The following HEPACAM2 variants were observed in gnomAD, a reference collection of about 807,000 sequenced individuals.
HEPACAM2 encodes the protein HEPACAM family member 2, also known as mitotic kinetics regulator.
Under a neutral mutation model 49.6 loss-of-function variants are expected in HEPACAM2, and 49 were observed. The observed-to-expected ratio is 0.99, with a 90% CI of 0.78 to 1.25. HEPACAM2 has a LOEUF of 1.25. HEPACAM2 is among the 50% of genes most tolerant of loss of function. The pLI is 0.00. For missense variants in HEPACAM2, 525 were observed against 557.2 expected (o/e 0.94, Z 0.58); for synonymous variants, 197 against 202.9 (o/e 0.97, Z 0.25).
At chr7:93,216,798 T>A (rs2116708015) in intron 2 of HEPACAM2, among the ~76,000 whole-genome samples, 1 of 152,318 alleles carries the variant, frequency 6.6e-6, no homozygotes. Context: ...AAGTGAGAGA[T>A]GATTGTGTCC....
rs1212245885 is a variant in HEPACAM2 at position 93,208,729 on chromosome 7, T to C, written c.863A>G (p.Asn288Ser). ...NTYSWIRRTD[N>S]TTYIIKHGPR... ...CCCATGCTTAATGATATATGTAGTA[T>C]TGTCAGTCCTCCTAATCCAGGAGTA... Residue 288 changes from asparagine to serine, a missense_variant, in exon 4 of 10, where the codon AAT becomes AGT. Asn to Ser is a conservative substitution (Grantham distance 46). Coordinates refer to ENST00000394468, the MANE Select transcript of HEPACAM2 (RefSeq NM_001039372.4). The C allele has an allele frequency of 1.2e-6, 2 of 1,613,210 alleles. No individual in the cohort carries two copies. Among genetic ancestry groups the C allele is most frequent in the South Asian group, 1.1e-5 (1 of 91,064 alleles).
chr7:93,210,869 C>T (rs1300814596), intron 3 of HEPACAM2, among the ~76,000 whole-genome samples: 1 of 151,942 alleles, frequency 6.6e-6, no homozygotes, highest in Non-Finnish European at 1.5e-5. Context: ...TCATTTTCCT[C>T]ACCTTTTAAT....
intron 8 of HEPACAM2, among the ~76,000 whole-genome samples, chr7:93,195,255 T>G (rs1274877809): frequency 2.0e-5 from 3 of 152,082 alleles, no homozygotes; most frequent in Non-Finnish European, 2.9e-5. Flanking sequence ...TGAGACAGGG[T>G]CTTACTCTGC....
Position 93,199,768 on chromosome 7 carries a change from G to A in HEPACAM2, c.1013-2158C>T, listed in dbSNP as rs73415315. On this transcript the variant is annotated intron_variant, in intron 4 of 9. Transcript: ENST00000394468. The stretch of plus-strand genomic sequence containing the variant: ...ATAAACACACACAATACACTTTTAA[G>A]TTTAATTTCCACTATTTTTTTCCCT... 5.1e-3 allele frequency among the ~76,000 whole-genome samples: 773 copies of A among 152,128 alleles called. 10 individuals are homozygous for A. Among genetic ancestry groups the A allele is most frequent in the African/African-American group, 0.017 (726 of 41,528 alleles).
upstream of HEPACAM2, among the ~76,000 whole-genome samples, chr7:93,229,644 AG>A (rs1352712836): frequency 1.3e-5 from 2 of 152,190 alleles, no homozygotes; most frequent in Non-Finnish European, 2.9e-5. Context: ...TCCTTTACCA[AG>A]GAATTGGTAT....
At chr7:93,210,123 C>T (rs1165868835) in intron 3 of HEPACAM2, among the ~76,000 whole-genome samples, 1 of 151,816 alleles carries the variant, frequency 6.6e-6, no homozygotes, top group Admixed American at 6.6e-5. Flanking sequence ...AAATTCTTCT[C>T]CTAGATAGGT....
At chr7:93,230,949 T>C (rs116460833), upstream of HEPACAM2, among the ~76,000 whole-genome samples, 1,473 of 152,314 alleles carry the variant, frequency 9.7e-3, 28 homozygotes, top group African/African-American at 0.034. Context: ...TATAGTGCTT[T>C]ACAATTTATA....
Position 93,208,857 on chromosome 7 carries a change from T to C in HEPACAM2, c.735A>G (p.Gln245=). The change falls in exon 4 of 10, where the codon CAA becomes CAG. Residue 245 remains glutamine (Q), a synonymous_variant. Coordinates refer to ENST00000394468, the MANE Select transcript of HEPACAM2 (RefSeq NM_001039372.4). ...PIIYYGPYGL[Q]VNSDKGLKVG... ...CTTTTAGCCCTTTATCAGAATTCACTTGAAGTCCATAAGGTCCATCTGCAT... is the reference window on the plus strand; with the variant it reads ...CTTTTAGCCCTTTATCAGAATTCACCTGAAGTCCATAAGGTCCATCTGCAT... 1 of 1,606,646 alleles carries C rather than the reference T, an allele frequency of 6.2e-7. No homozygotes were observed. The highest frequency in any genetic ancestry group is 8.5e-7 in the Non-Finnish European group (1 of 1,176,140).
rs777063799 is a variant in HEPACAM2, at chr7:93,197,603, C to T, written c.1020G>A (p.Glu340=). 2.8e-5 allele frequency: 44 copies of T among 1,575,844 alleles called. No homozygotes were observed. Among genetic ancestry groups the T allele is most frequent in the Non-Finnish European group, 3.4e-5 (40 of 1,163,314 alleles). The part of the protein sequence containing the change: ...FTVIITSVGL[E]KLAQKGKSLS... ...ATGATTTTCCTTTCTGTGCAAGCTT[C>T]TCCAGTCCTAAATAAAAAGATAAAC... Residue 340 remains glutamate, a synonymous_variant, in exon 5 of 10, where the codon GAG becomes GAA. Coordinates refer to ENST00000394468, the MANE Select transcript of HEPACAM2 (RefSeq NM_001039372.4).
chr7:93,191,499 G>A (rs1292375311), intron 9 of HEPACAM2, among the ~76,000 whole-genome samples: 1 of 152,146 alleles, frequency 6.6e-6, no homozygotes, highest in African/African-American at 2.4e-5. Flanking sequence ...GGTTATTGAT[G>A]TTCTTTTCAA....
chr7:93,231,582 TTTC>T, the HEPACAM2 span, among the ~76,000 whole-genome samples: 15 of 152,200 alleles, frequency 9.9e-5, no homozygotes, highest in Non-Finnish European at 1.6e-4. Context: ...AGGGCTGCTT[TTTC>T]TTCTTCTTCT....
chr7:93,219,712 C>A, intron 1 of HEPACAM2: 1 of 513,170 alleles, frequency 1.9e-6, no homozygotes. Flanking sequence ...ACGATTGCTA[C>A]GGAATAATGG....
intron 2 of HEPACAM2, among the ~76,000 whole-genome samples, chr7:93,218,319 G>A (rs543293166): frequency 1.3e-5 from 2 of 152,086 alleles, no homozygotes; most frequent in Admixed American, 6.6e-5. Context: ...AGTTCAGGCC[G>A]CGGCTGATTG....
At chr7:93,195,149 G>A (rs1793657939) in intron 8 of HEPACAM2, among the ~76,000 whole-genome samples, 2 of 152,040 alleles carry the variant, frequency 1.3e-5, no homozygotes, top group African/African-American at 4.8e-5. Flanking sequence ...GGAACAGAGA[G>A]AGTTTAGTAA....
upstream of HEPACAM2, among the ~76,000 whole-genome samples, chr7:93,230,440 C>T (rs1337349452): frequency 6.6e-6 from 1 of 152,222 alleles, no homozygotes; most frequent in Non-Finnish European, 1.5e-5. Flanking sequence ...TAACAGCACA[C>T]ACCTCAGGTG....
chr7:93,223,724 A>C (rs988597276), intron 1 of HEPACAM2, among the ~76,000 whole-genome samples: 1 of 152,196 alleles, frequency 6.6e-6, no homozygotes, highest in Non-Finnish European at 1.5e-5. Context: ...TTGCCTATAC[A>C]ATTTTTTATC....
intron 9 of HEPACAM2, among the ~76,000 whole-genome samples, chr7:93,190,567 G>C (rs1485620602): frequency 6.6e-6 from 1 of 151,966 alleles, no homozygotes; most frequent in Non-Finnish European, 1.5e-5. Flanking sequence ...CATGAGCTGG[G>C]GTTTTGAAGA....
chr7:93,201,232 C>A (rs949560692), intron 4 of HEPACAM2, among the ~76,000 whole-genome samples: 2 of 151,982 alleles, frequency 1.3e-5, no homozygotes, highest in Admixed American at 6.6e-5. Context: ...TTAATTAAAA[C>A]CTTTCAGTAT....
chr7:93,201,462 AG>A (rs1216788510), intron 4 of HEPACAM2, among the ~76,000 whole-genome samples: 2 of 151,876 alleles, frequency 1.3e-5, no homozygotes, highest in African/African-American at 2.4e-5. Flanking sequence ...TTTCCTTGTT[AG>A]TTATACATTT....
Sources: allele counts gnomAD v4.1 joint callset (sites outside exome capture counted in the v4.1 genomes callset), GRCh38; gene constraint gnomAD v4.1.1; transcripts MANE v1.5; gene names NCBI Gene and HGNC (gene_info 2026-07-23, HGNC 2026-07-21).